DMD: variants seen among roughly 807,000 people sequenced by gnomAD.
DMD encodes mutant dystrophin.
In DMD, 63 loss-of-function variants were observed where a neutral mutation model predicts 330.1. The ratio of observed to expected loss-of-function variants is 0.19; its 90% CI spans 0.16 to 0.24. The LOEUF is 0.24. DMD is among the 10% of genes least tolerant of loss of function. The pLI is 1.00. For synonymous variants in DMD, 1,223 were observed against 959.8 expected, an observed-to-expected ratio of 1.27 and a Z score of -5.07; for missense variants, 3,344 against 2,684.1, an observed-to-expected ratio of 1.25 and a Z score of -5.43.
intron 20 of DMD, among the ~76,000 whole-genome samples, chrX:32,489,230 T>G (rs73451794): frequency 0.043 from 4,738 of 110,754 alleles, 234 homozygotes; most frequent in African/African-American, 0.13. Context: ...ATGGGCTGAA[T>G]TGTGTCTTCC....
intron 52 of DMD, among the ~76,000 whole-genome samples, chrX:31,696,950 C>A (rs896788090): frequency 8.9e-6 from 1 of 112,049 alleles, no homozygotes; most frequent in African/African-American, 3.2e-5. Flanking sequence ...TTATAGTAGT[C>A]CCAAGAGTAG....
At chrX:32,817,476 T>G (rs971564516) in intron 5 of DMD, among the ~76,000 whole-genome samples, 1 of 112,138 alleles carries the variant, frequency 8.9e-6, no homozygotes, top group Non-Finnish European at 1.9e-5. Context: ...TTTTTCTAAG[T>G]TTCATGAATG....
At chrX:33,008,802 A>G (rs199735562) in intron 2 of DMD, among the ~76,000 whole-genome samples, 1 of 56,583 alleles carries the variant, frequency 1.8e-5, no homozygotes, top group Non-Finnish European at 3.2e-5. Flanking sequence ...ACGTATATAT[A>G]CGTATATATA....
At chrX:31,882,835 C>A (rs893527637) in intron 47 of DMD, among the ~76,000 whole-genome samples, 1 of 111,886 alleles carries the variant, frequency 8.9e-6, no homozygotes, top group Non-Finnish European at 1.9e-5. Context: ...AAAATACATA[C>A]TCTTGATGAA....
intron 1 of DMD, among the ~76,000 whole-genome samples, chrX:33,194,757 C>T: frequency 9.0e-6 from 1 of 110,847 alleles, no homozygotes; most frequent in Non-Finnish European, 1.9e-5. Context: ...TCATAAAATG[C>T]CTGTGCATAC....
intron 63 of DMD, among the ~76,000 whole-genome samples, chrX:31,255,095 G>A (rs929547024): frequency 2.8e-5 from 3 of 108,912 alleles, no homozygotes; most frequent in Non-Finnish European, 5.7e-5. Flanking sequence ...CATATATTAT[G>A]TGTGTGGGGG....
chrX:32,461,359 C>A lies in DMD; in HGVS notation c.3432+2080G>T, dbSNP rs759559115. 2.7e-5 allele frequency among the ~76,000 whole-genome samples: 3 copies of A among 111,041 alleles called. No individual in the cohort carries two copies. In the South Asian group the frequency reaches 1.1e-3, roughly 42 times the overall value. Reference sequence around the variant, plus strand: ...CGCCATTGTTCCTTCCTTTTACAACCTAACTCATTTGGCTACAAAGTCAGA... The same window carrying A: ...CGCCATTGTTCCTTCCTTTTACAACATAACTCATTTGGCTACAAAGTCAGA... On this transcript the variant is annotated intron_variant, in intron 25 of 78. Transcript: ENST00000357033.
At chrX:32,987,257 G>T (rs145344894) in intron 2 of DMD, among the ~76,000 whole-genome samples, 3,967 of 111,815 alleles carry the variant, frequency 0.035, 85 homozygotes, top group Non-Finnish European at 0.053. Context: ...GGATCAAAAG[G>T]TGCCTCCAAT....
At chrX:31,726,391 G>C (rs928064795) in intron 52 of DMD, among the ~76,000 whole-genome samples, 4 of 112,082 alleles carry the variant, frequency 3.6e-5, no homozygotes, top group Non-Finnish European at 5.6e-5. Flanking sequence ...ACCAGAGAAA[G>C]AAAAATGTTT....
intron 12 of DMD, among the ~76,000 whole-genome samples, chrX:32,599,982 G>A (rs1197777114): frequency 8.9e-6 from 1 of 112,227 alleles, no homozygotes; most frequent in Non-Finnish European, 1.9e-5. Context: ...TGGACAAACA[G>A]TTTTTGTTAT....
intron 16 of DMD, among the ~76,000 whole-genome samples, chrX:32,564,081 G>T (rs962393623): frequency 1.8e-5 from 2 of 111,361 alleles, no homozygotes; most frequent in South Asian, 3.7e-4. Context: ...TGTATCAAAG[G>T]CTTAGTAAAG....
rs2035593547 is a variant in DMD at position 31,138,661 on chromosome X, GA to G, written c.10922-4468del. 3.1e-5 allele frequency among the ~76,000 whole-genome samples: 3 copies of G among 95,551 alleles called. No individual in the cohort carries two copies. In the Admixed American group the frequency reaches 3.5e-4, roughly 11 times the overall value. The allele number at this position is 95,551 out of a possible 115,157, so 83.0% of individuals were successfully genotyped here. A position where few individuals can be genotyped will look rare whatever the true frequency, so the allele number is the denominator to read the frequency against. ...AGAGAGAGAGAGAGAGAGAGAGAGA[GA>G]GAGAGAGAGAGAGAGAGAGAGAGAG... is the stretch of plus-strand genomic sequence containing the variant. On this transcript the variant is annotated intron_variant, in intron 76 of 78. Transcript: ENST00000357033.
chrX:31,394,163 C>T (rs974484072), intron 60 of DMD, among the ~76,000 whole-genome samples: 1 of 112,105 alleles, frequency 8.9e-6, no homozygotes, highest in African/African-American at 3.2e-5. Context: ...TAGATTATAA[C>T]ATTTGTATGC....
At position 32,348,236 on chromosome X, in the gene DMD, A is replaced by C. The variant is rs977690584; in HGVS notation, c.5448+170T>G. 1.5e-4 allele frequency among the ~76,000 whole-genome samples: 17 copies of C among 111,521 alleles called. No homozygotes were observed. In the Admixed American group the frequency reaches 1.6e-3, roughly 11 times the overall value. ...GCTCCTATATTACCATACCATAGTA[A>C]TTCAGCATTTGTAATAAAAGGCCAA... On this transcript the variant is annotated intron_variant, in intron 38 of 78. Coordinates refer to ENST00000357033, the MANE Select transcript of DMD (RefSeq NM_004006.3).
chrX:32,070,443 C>A (rs925026374), intron 44 of DMD, among the ~76,000 whole-genome samples: 1 of 110,896 alleles, frequency 9.0e-6, no homozygotes, highest in Admixed American at 9.6e-5. Flanking sequence ...TGAGTGCAGT[C>A]TACAAAGTAA....
rs1175532244 is a variant in DMD, at chrX:31,138,624, GGA to G, written c.10922-4432_10922-4431del. On this transcript the variant is annotated intron_variant, in intron 76 of 78. Transcript: ENST00000357033. The stretch of plus-strand genomic sequence containing the variant: ...GCAAGGCACCTCTTACATGGCAGCA[GGA>G]GAGAGAGAGAGAGAGAGAGAGAGAG... 8.2e-4 allele frequency among the ~76,000 whole-genome samples: 48 copies of G among 58,692 alleles called. 1 individual carries two copies. Among genetic ancestry groups the G allele is most frequent in the Admixed American group, 2.0e-3 (9 of 4,597 alleles). 51.0% of individuals were successfully genotyped at this position (58,692 alleles called of 115,157 possible).
rs151169528 is a variant in DMD at position 32,626,037 on chromosome X, A to G, written c.1332-11584T>C. Among the ~76,000 whole-genome samples, 416 of 112,997 alleles carry G rather than the reference A, an allele frequency of 3.7e-3. 1 individual carries two copies. The highest frequency in any genetic ancestry group is 0.013 in the African/African-American group (403 of 31,170). ...GATTTAAGTCAGAAATAAAACCTGTATAATATGATTTAAGGGAAAGATACC... is the reference window on the plus strand; with the variant it reads ...GATTTAAGTCAGAAATAAAACCTGTGTAATATGATTTAAGGGAAAGATACC... On this transcript the variant is annotated intron_variant, in intron 11 of 78. Coordinates refer to ENST00000357033, the MANE Select transcript of DMD (RefSeq NM_004006.3).
chrX:31,593,005 T>G (rs1442074675), intron 55 of DMD, among the ~76,000 whole-genome samples: 1 of 111,191 alleles, frequency 9.0e-6, no homozygotes, highest in South Asian at 3.8e-4. Flanking sequence ...ACCATTATAA[T>G]AGTCCTAGAT....
intron 44 of DMD, among the ~76,000 whole-genome samples, chrX:31,998,722 G>T (rs487719): frequency 0.46 from 50,542 of 110,740 alleles, 9,698 homozygotes; most frequent in Non-Finnish European, 0.6. Flanking sequence ...ATTCACAGAA[G>T]GCTTACAATT....
Sources: allele counts gnomAD v4.1 joint callset (sites outside exome capture counted in the v4.1 genomes callset), GRCh38; gene constraint gnomAD v4.1.1; transcripts MANE v1.5; gene names NCBI Gene and HGNC (gene_info 2026-07-23, HGNC 2026-07-21).